Variants in GAS2 observed in about 807,000 individuals in gnomAD.
GAS2 encodes the protein growth arrest specific 2.
A neutral mutation model predicts 37.5 loss-of-function variants in GAS2; 20 were observed. The ratio of observed to expected loss-of-function variants is 0.53; its 90% confidence interval spans 0.37 to 0.77. GAS2 has a LOEUF of 0.77. GAS2 is among the 30% of genes least tolerant of loss of function. GAS2 has a pLI of 0.00. For missense variants in GAS2, 336 were observed against 373.4 expected, an observed-to-expected ratio of 0.90 and a Z score of 0.82; for synonymous variants, 144 against 132.2, an observed-to-expected ratio of 1.09 and a Z score of -0.61.
chr11:22,636,358 A>C (rs1475549308), intron 1 of GAS2, among the ~76,000 whole-genome samples: 1 of 152,124 alleles, frequency 6.6e-6, no homozygotes, highest in Admixed American at 6.5e-5. Flanking sequence ...AACCTACCTC[A>C]CGGGCCCTGG....
At chr11:22,717,597 G>A (rs913313798) in intron 3 of GAS2, among the ~76,000 whole-genome samples, 1 of 152,016 alleles carries the variant, frequency 6.6e-6, no homozygotes, top group African/African-American at 2.4e-5. Flanking sequence ...GAACCCAAGA[G>A]CAAATGCAAC....
chr11:22,629,384 C>G (rs761189093), intron 1 of GAS2, among the ~76,000 whole-genome samples: 12 of 151,952 alleles, frequency 7.9e-5, no homozygotes, highest in Non-Finnish European at 1.6e-4. Context: ...AAGGTAGTAT[C>G]CTTTTCCATA....
chr11:22,689,924 A>G (rs1251557152), intron 3 of GAS2, among the ~76,000 whole-genome samples: 2 of 152,244 alleles, frequency 1.3e-5, no homozygotes, highest in African/African-American at 2.4e-5. Context: ...GAATTAGTCA[A>G]TACATTCTTT....
chr11:22,732,982 AT>A lies in GAS2; in HGVS notation c.410-4716del, dbSNP rs1475263606. ...AGTGTATATACACATCACCTGGAAA[AT>A]TTTTTTAAATGTAGTTTCTGATTAT... On this transcript the variant is annotated intron_variant, in intron 4 of 7. Coordinates refer to ENST00000454584, the MANE Select transcript of GAS2 (RefSeq NM_001143830.3). 5.9e-5 allele frequency among the ~76,000 whole-genome samples: 9 copies of A among 151,518 alleles called. No homozygotes were observed. The East Asian group carries it at 7.7e-4, about 13-fold the overall frequency.
At chr11:22,663,982 G>C (rs1848946272), upstream of GAS2, among the ~76,000 whole-genome samples, 1 of 152,072 alleles carries the variant, frequency 6.6e-6, no homozygotes, top group Non-Finnish European at 1.5e-5. Flanking sequence ...AATGATTTAA[G>C]TTATTATTAA....
chr11:22,644,567 T>C (rs1453581968), intron 1 of GAS2, among the ~76,000 whole-genome samples: 3 of 152,198 alleles, frequency 2.0e-5, no homozygotes, highest in African/African-American at 7.2e-5. Context: ...ATTTCTGAAT[T>C]TGCATATATT....
intron 6 of GAS2, among the ~76,000 whole-genome samples, chr11:22,753,789 C>A (rs1271612004): frequency 1.3e-5 from 2 of 152,058 alleles, no homozygotes; most frequent in Non-Finnish European, 2.9e-5. Flanking sequence ...TGTATATACA[C>A]ACATTTATAT....
At chr11:22,670,011 A>G (rs1249424705) in intron 1 of GAS2, among the ~76,000 whole-genome samples, 2 of 152,192 alleles carry the variant, frequency 1.3e-5, no homozygotes, top group Non-Finnish European at 2.9e-5. Context: ...TGAAAGAGAT[A>G]TCTAGAACTT....
chr11:22,751,013 C>T (rs1454651869), intron 6 of GAS2, among the ~76,000 whole-genome samples: 1 of 151,940 alleles, frequency 6.6e-6, no homozygotes, highest in Non-Finnish European at 1.5e-5. Context: ...TTGACCACTC[C>T]ATTCTTGAAA....
intron 7 of GAS2, among the ~76,000 whole-genome samples, chr11:22,797,492 C>A (rs1464388087): frequency 6.6e-6 from 1 of 152,032 alleles, no homozygotes; most frequent in Non-Finnish European, 1.5e-5. Flanking sequence ...TATAGTAGTT[C>A]ACCCTTCAAA....
chr11:22,738,682 G>A (rs2134230088), intron 5 of GAS2, among the ~76,000 whole-genome samples: 1 of 152,204 alleles, frequency 6.6e-6, no homozygotes, highest in South Asian at 2.1e-4. Flanking sequence ...AAAAAAATAG[G>A]TGAACACACC....
At chr11:22,805,301 C>G (rs1856833780) in intron 7 of GAS2, among the ~76,000 whole-genome samples, 1 of 152,054 alleles carries the variant, frequency 6.6e-6, no homozygotes. Flanking sequence ...AGTACATATG[C>G]ATTGTGGAAT....
intron 3 of GAS2, among the ~76,000 whole-genome samples, chr11:22,708,407 A>G (rs1851231980): frequency 6.6e-6 from 1 of 152,164 alleles, no homozygotes. Flanking sequence ...AAATTTTACC[A>G]TATGCCAGTC....
chr11:22,739,851 A>G (rs1366009558), intron 5 of GAS2, among the ~76,000 whole-genome samples: 1 of 152,028 alleles, frequency 6.6e-6, no homozygotes, highest in African/African-American at 2.4e-5. Context: ...GAAAGTTGTG[A>G]TACAGAAGTA....
At chr11:22,654,858 G>T (rs766388270) in intron 1 of GAS2, among the ~76,000 whole-genome samples, 2 of 152,102 alleles carry the variant, frequency 1.3e-5, no homozygotes, top group African/African-American at 4.8e-5. Context: ...AGAGCATAAA[G>T]AGTTATGGTT....
chr11:22,807,356 T>A (rs1014332696), intron 7 of GAS2, among the ~76,000 whole-genome samples: 2 of 152,242 alleles, frequency 1.3e-5, no homozygotes, highest in African/African-American at 4.8e-5. Flanking sequence ...GTCCCATTCT[T>A]AAGGTGTCCG....
chr11:22,706,041 C>T (rs1343644998), intron 3 of GAS2, among the ~76,000 whole-genome samples: 1 of 152,200 alleles, frequency 6.6e-6, no homozygotes, highest in African/African-American at 2.4e-5. Context: ...TGTCTGGAGA[C>T]TAGCACATAA....
chr11:22,769,361 C>A (rs1187343949), intron 7 of GAS2, among the ~76,000 whole-genome samples: 1 of 152,142 alleles, frequency 6.6e-6, no homozygotes, highest in African/African-American at 2.4e-5. Context: ...CTGTATTTCC[C>A]CAACATCTTG....
At chr11:22,641,601 A>G (rs1022257961) in intron 1 of GAS2, among the ~76,000 whole-genome samples, 6 of 151,426 alleles carry the variant, frequency 4.0e-5, no homozygotes, top group South Asian at 2.1e-4. Flanking sequence ...TGATGTTGCT[A>G]ATTCCTAGCT....
Sources: gnomAD v4.1 joint callset for allele counts (sites outside exome capture counted in the v4.1 genomes callset) on GRCh38, gnomAD v4.1.1 for gene constraint, MANE v1.5 for transcripts, NCBI Gene and HGNC (gene_info 2026-07-23, HGNC 2026-07-21) for gene names.